The following ASB9 variants were observed in gnomAD, a reference collection of about 807,000 sequenced individuals.
ASB9 encodes ankyrin repeat and SOCS box containing 9, also known as ankyrin repeat and SOCS box protein 9.
In ASB9, 5 loss-of-function variants were observed where a neutral mutation model predicts 16.6. The observed-to-expected ratio is 0.30, with a 90% CI of 0.16 to 0.63. The LOEUF is 0.63. Ranked by LOEUF, ASB9 falls within the 30% of genes least tolerant of loss-of-function variation. ASB9 has a pLI of 0.82. For synonymous variants in ASB9, 100 were observed against 86.4 expected (o/e 1.16, Z -0.87); for missense variants, 216 against 229.4 (o/e 0.94, Z 0.38).
At chrX:15,254,612 CT>C (rs1238421269) in intron 3 of ASB9, 124 bp downstream of exon 3, 1 of 546,994 alleles carries the variant, frequency 1.8e-6, no homozygotes, top group Non-Finnish European at 3.1e-6. Context: ...ACATAATTTT[CT>C]TGAAAAACAA....
At chrX:15,263,826 T>C (rs2147656901) in intron 1 of ASB9, among the ~76,000 whole-genome samples, 1 of 111,929 alleles carries the variant, frequency 8.9e-6, no homozygotes, top group East Asian at 2.8e-4. Context: ...TTTGCAAGGA[T>C]AGAAATATCT....
chrX:15,265,549 T>C (rs1210032767), intron 1 of ASB9, among the ~76,000 whole-genome samples: 1 of 112,055 alleles, frequency 8.9e-6, no homozygotes, highest in Non-Finnish European at 1.9e-5. Flanking sequence ...CCCTGACCAG[T>C]ACCATCCATT....
chrX:15,249,237 A>G (rs1924912927), intron 5 of ASB9, among the ~76,000 whole-genome samples: 1 of 112,431 alleles, frequency 8.9e-6, no homozygotes, highest in South Asian at 3.7e-4. Context: ...AAAGCTCCAC[A>G]TTATTATTAA....
In ASB9 at chrX:15,269,831, C is replaced by T; in HGVS notation, c.44G>A (p.Gly15Glu). Residue 15 changes from glycine to glutamate, a missense_variant, in exon 1 of 7, where the codon GGG (glycine) becomes GAG (glutamate). Transcript: ENST00000380488. The part of the protein sequence containing the change: ...QGGMDGSKPA[G>E]PRDFPGIRLL... ...CCTGATGCCAGGAAAGTCCCTTGGCCCCGCGGGCTTGCTCCCATCCATGCC... is the reference window on the plus strand; with the variant it reads ...CCTGATGCCAGGAAAGTCCCTTGGCTCCGCGGGCTTGCTCCCATCCATGCC... The T allele has an allele frequency of 8.3e-7, 1 of 1,207,815 alleles. No individual in the cohort carries two copies. Among genetic ancestry groups the T allele is most frequent in the Non-Finnish European group, 1.1e-6 (1 of 893,719 alleles).
intron 1 of ASB9, among the ~76,000 whole-genome samples, chrX:15,267,425 T>TTAAAAA (rs377056337): frequency 2.3e-5 from 2 of 87,655 alleles, no homozygotes; most frequent in African/African-American, 8.3e-5. Flanking sequence ...AAAATATATA[T>TTAAAAA]ATATATATAA....
chrX:15,245,143 T>G (rs12556121), intron 6 of ASB9, among the ~76,000 whole-genome samples: 1 of 110,549 alleles, frequency 9.0e-6, no homozygotes, highest in Admixed American at 9.7e-5. Flanking sequence ...CTTCAATTCA[T>G]AAGTGAAAAG....
At chrX:15,251,167 A>G (rs773203072) in intron 4 of ASB9, among the ~76,000 whole-genome samples, 1 of 112,389 alleles carries the variant, frequency 8.9e-6, no homozygotes, top group Non-Finnish European at 1.9e-5. Flanking sequence ...GTGGCTTTGT[A>G]GTTTGTCTAA....
intron 2 of ASB9, among the ~76,000 whole-genome samples, chrX:15,255,404 G>A (rs1414333303): frequency 1.8e-5 from 2 of 111,580 alleles, no homozygotes; most frequent in Non-Finnish European, 3.8e-5. Flanking sequence ...TGTTTCAGAA[G>A]ACATAATATA....
chrX:15,267,030 C>T (rs1389066466), intron 1 of ASB9, among the ~76,000 whole-genome samples: 1 of 113,846 alleles, frequency 8.8e-6, no homozygotes, highest in Non-Finnish European at 1.9e-5. Flanking sequence ...CAATACTTAG[C>T]TATAAAATAA....
intron 6 of ASB9, among the ~76,000 whole-genome samples, chrX:15,248,174 TAC>T (rs3830223): frequency 0.11 from 12,550 of 111,748 alleles, 602 homozygotes; most frequent in Middle Eastern, 0.21. Context: ...CCTACTTCCA[TAC>T]ACACTGCTCA....
Position 15,248,910 on chromosome X carries a change from A to T in ASB9, c.594T>A (p.Gly198=), listed in dbSNP as rs1239681660. The part of the protein sequence containing the change: ...ESGADVNQGK[G]QDSPLHAVAR... ...CCACTGCATGAAGTGGGGAATCCTG[A>T]CCTTTCCCTTGGTTCACGTCCGCTC... The change falls in exon 6 of 7, where the codon GGT becomes GGA. Residue 198 remains glycine, a synonymous_variant. Transcript: ENST00000380488. The T allele has an allele frequency of 8.3e-7, 1 of 1,200,305 alleles. No individual in the cohort carries two copies. Among genetic ancestry groups the T allele is most frequent in the Admixed American group, 2.2e-5 (1 of 44,868 alleles).
intron 2 of ASB9, among the ~76,000 whole-genome samples, chrX:15,256,806 AT>A (rs1925607522): frequency 1.9e-5 from 2 of 108,050 alleles, no homozygotes; most frequent in East Asian, 5.9e-4. Context: ...AAAGAAAAAA[AT>A]GTGCCAACTT....
chrX:15,256,249 C>T (rs1311844368), intron 2 of ASB9, among the ~76,000 whole-genome samples: 2 of 108,284 alleles, frequency 1.8e-5, no homozygotes, highest in East Asian at 5.8e-4. Context: ...AACTGCTTTT[C>T]TGCTAAACAG....
At chrX:15,250,309 C>A (rs1925000410) in intron 5 of ASB9, 121 bp downstream of exon 5, 3 of 809,763 alleles carry the variant, frequency 3.7e-6, no homozygotes, top group Non-Finnish European at 5.2e-6. Flanking sequence ...TCAATATGAA[C>A]CCTGACCTTG....
chrX:15,248,798 C>T lies in ASB9; in HGVS notation c.706G>A (p.Val236Met), dbSNP rs1429242385. 2.5e-6 allele frequency: 3 copies of T among 1,210,148 alleles called. No individual in the cohort carries two copies. The highest frequency in any genetic ancestry group is 3.5e-5 in the African/African-American group (2 of 57,265). Residue 236 changes from valine (V) to methionine (M), a missense_variant, in exon 6 of 7, where the codon GTG (valine) becomes ATG (methionine). Val to Met is a conservative substitution (Grantham distance 21, BLOSUM62 1). Coordinates refer to ENST00000380488, the MANE Select transcript of ASB9 (RefSeq NM_001031739.3). The part of the protein sequence containing the change: ...QAKNAEGKRP[V>M]ELVPPESPLA... ...GGGCTCTCTGGAGGCACCAGCTCCACAGGACGTTTGCCTTCAGCATTCTTG... is the reference window on the plus strand; with the variant it reads ...GGGCTCTCTGGAGGCACCAGCTCCATAGGACGTTTGCCTTCAGCATTCTTG...
chrX:15,269,718 C>T (rs937831998), intron 1 of ASB9, 63 bp downstream of exon 1: 95 of 1,007,482 alleles, frequency 9.4e-5, no homozygotes, highest in Non-Finnish European at 1.2e-4. Context: ...ACTGCCCAAC[C>T]CTCCTCTCCT....
At chrX:15,250,607 C>G in intron 4 of ASB9, 43 bp from the exon 5 acceptor site, 3 of 1,155,909 alleles carry the variant, frequency 2.6e-6, no homozygotes, top group Non-Finnish European at 3.5e-6. Flanking sequence ...AATACAAGTT[C>G]CCTTAGCTAG....
intron 1 of ASB9, among the ~76,000 whole-genome samples, chrX:15,268,049 C>T (rs923501445): frequency 1.8e-5 from 2 of 109,827 alleles, no homozygotes; most frequent in South Asian, 3.9e-4. Flanking sequence ...CCCTGACTGA[C>T]GGCCGGGCGT....
chrX:15,261,198 A>G (rs1317059263), intron 1 of ASB9, among the ~76,000 whole-genome samples: 1 of 112,236 alleles, frequency 8.9e-6, no homozygotes. Context: ...ATTAGAATTA[A>G]AAGGACAACT....
Sources: gnomAD v4.1 joint callset for allele counts (sites outside exome capture counted in the v4.1 genomes callset) on GRCh38, gnomAD v4.1.1 for gene constraint, MANE v1.5 for transcripts, NCBI Gene and HGNC (gene_info 2026-07-23, HGNC 2026-07-21) for gene names.